The following NALF1 variants were observed in gnomAD, a reference collection of about 807,000 sequenced individuals.
NALF1 encodes family with sequence similarity 155 member A.
Under a neutral mutation model 48.4 loss-of-function variants are expected in NALF1, and 3 were observed. The ratio of observed to expected loss-of-function variants is 0.06; its 90% confidence interval spans 0.03 to 0.16. NALF1 has a LOEUF of 0.16. Ranked by LOEUF, NALF1 falls within the 10% of genes least tolerant of loss-of-function variation. NALF1 has a pLI of 1.00. For missense variants in NALF1, 526 were observed against 571.5 expected, an observed-to-expected ratio of 0.92 and a Z score of 0.81; for synonymous variants, 262 against 245.7, an observed-to-expected ratio of 1.07 and a Z score of -0.62.
At chr13:107,577,792 C>G (rs898101723) in intron 1 of NALF1, among the ~76,000 whole-genome samples, 1 of 152,148 alleles carries the variant, frequency 6.6e-6, no homozygotes, top group Non-Finnish European at 1.5e-5. Context: ...CTGCTTCATC[C>G]CGGATCTCTT....
chr13:107,174,355 A>ATT (rs1260135014), intron 2 of NALF1, among the ~76,000 whole-genome samples: 6 of 73,060 alleles, frequency 8.2e-5, no homozygotes, highest in South Asian at 4.2e-4. Flanking sequence ...TTATTTATTT[A>ATT]TTTATTTATT....
chr13:107,782,921 T>G (rs1363906852), intron 1 of NALF1, among the ~76,000 whole-genome samples: 9 of 127,168 alleles, frequency 7.1e-5, no homozygotes, highest in South Asian at 2.6e-4. Flanking sequence ...AGGAGGGAGG[T>G]GGGGGTCACC....
chr13:107,352,148 T>C (rs1882888595), intron 1 of NALF1, among the ~76,000 whole-genome samples: 1 of 152,176 alleles, frequency 6.6e-6, no homozygotes, highest in Admixed American at 6.5e-5. Context: ...AGAGGAACCC[T>C]GTGTGCAGTC....
chr13:107,838,550 T>C (rs1339550087), intron 1 of NALF1, among the ~76,000 whole-genome samples: 1 of 152,152 alleles, frequency 6.6e-6, no homozygotes, highest in Non-Finnish European at 1.5e-5. Flanking sequence ...AACAGGTAAC[T>C]GGCAGGAGGC....
chr13:107,655,650 G>GA (rs757604066), intron 1 of NALF1, among the ~76,000 whole-genome samples: 3 of 151,442 alleles, frequency 2.0e-5, no homozygotes, highest in Non-Finnish European at 2.9e-5. Context: ...CACAGAACTA[G>GA]AAAAAATAAT....
chr13:107,710,859 GTGTATA>G (rs1021458665), intron 1 of NALF1, among the ~76,000 whole-genome samples: 22 of 148,852 alleles, frequency 1.5e-4, no homozygotes, highest in African/African-American at 5.0e-4. Context: ...ACACAGATAT[GTGTATA>G]TGTATATATA....
intron 1 of NALF1, among the ~76,000 whole-genome samples, chr13:107,217,422 G>A (rs1484476025): frequency 1.3e-5 from 2 of 152,050 alleles, no homozygotes; most frequent in African/African-American, 2.4e-5. Context: ...GTATCCCTCC[G>A]GCTTCTGTTC....
rs554001112 is a variant in NALF1 at position 107,427,433 on chromosome 13, T to G, written c.916-216678A>C. On this transcript the variant is annotated intron_variant, in intron 1 of 2. Transcript: ENST00000375915. ...AATGATCTATTACAGTCATTTTGACTGTTTGGAAGAATTTTATTTTCATTT... is the reference window on the plus strand; with the variant it reads ...AATGATCTATTACAGTCATTTTGACGGTTTGGAAGAATTTTATTTTCATTT... Among the ~76,000 whole-genome samples, 148 of 147,422 alleles carry G rather than the reference T, an allele frequency of 1.0e-3. 1 individual carries two copies. Among genetic ancestry groups the G allele is most frequent in the Middle Eastern group, 3.8e-3 (1 of 260 alleles).
chr13:107,835,263 T>C (rs947682833), intron 1 of NALF1: 2 of 152,208 alleles, frequency 1.3e-5, no homozygotes, highest in Non-Finnish European at 2.9e-5. Flanking sequence ...TTTCCTTAGA[T>C]ACCAGAAGAT....
intron 1 of NALF1, among the ~76,000 whole-genome samples, chr13:107,683,501 C>T (rs1047875911): frequency 2.0e-5 from 3 of 152,160 alleles, no homozygotes; most frequent in Admixed American, 6.5e-5. Flanking sequence ...TGTAAAGATG[C>T]GCTTCCAAAC....
chr13:107,516,166 T>A (rs548745110), intron 1 of NALF1, among the ~76,000 whole-genome samples: 1 of 152,284 alleles, frequency 6.6e-6, no homozygotes, highest in South Asian at 2.1e-4. Flanking sequence ...ATGGCTGACA[T>A]CTGATCCACA....
At chr13:107,352,883 C>T (rs190536617) in intron 1 of NALF1, among the ~76,000 whole-genome samples, 2 of 152,202 alleles carry the variant, frequency 1.3e-5, no homozygotes, top group Non-Finnish European at 2.9e-5. Flanking sequence ...TGTCTTAAGA[C>T]TTCTTCCCTA....
At chr13:107,851,994 G>A (rs1182495240) in intron 1 of NALF1, among the ~76,000 whole-genome samples, 2 of 150,630 alleles carry the variant, frequency 1.3e-5, no homozygotes, top group Non-Finnish European at 3.0e-5. Flanking sequence ...AATTTGGGGG[G>A]TGTCATTATG....
At chr13:107,220,272 G>A (rs1159545475) in intron 1 of NALF1, among the ~76,000 whole-genome samples, 1 of 152,210 alleles carries the variant, frequency 6.6e-6, no homozygotes, top group Non-Finnish European at 1.5e-5. Context: ...CTGCTAGTGA[G>A]AAGCTGGGAA....
chr13:107,557,965 G>A (rs562384238), intron 1 of NALF1, among the ~76,000 whole-genome samples: 3 of 152,254 alleles, frequency 2.0e-5, no homozygotes, highest in Admixed American at 2.0e-4. Flanking sequence ...CTTGTGGGAT[G>A]TGTCACTGTT....
At chr13:107,183,393 C>T (rs189214952) in intron 2 of NALF1, among the ~76,000 whole-genome samples, 371 of 152,206 alleles carry the variant, frequency 2.4e-3, no homozygotes, top group Non-Finnish European at 4.1e-3. Context: ...ATACTGTTGG[C>T]GGGAATGTAA....
chr13:107,455,863 CTTTTT>C (rs34303743), intron 1 of NALF1, among the ~76,000 whole-genome samples: 2 of 146,058 alleles, frequency 1.4e-5, no homozygotes, highest in African/African-American at 5.0e-5. Context: ...CTCGATAACT[CTTTTT>C]TTTTTTTAAG....
intron 1 of NALF1, among the ~76,000 whole-genome samples, chr13:107,479,600 A>G (rs900613953): frequency 6.6e-6 from 1 of 151,956 alleles, no homozygotes; most frequent in African/African-American, 2.4e-5. Context: ...CTAAACAATT[A>G]AAGTACTAGA....
intron 1 of NALF1, among the ~76,000 whole-genome samples, chr13:107,818,579 A>G (rs1247176825): frequency 6.6e-6 from 1 of 151,998 alleles, no homozygotes. Flanking sequence ...TTGGTCTTAA[A>G]AATCCAGTTG....
Sources: allele counts gnomAD v4.1 joint callset (sites outside exome capture counted in the v4.1 genomes callset), GRCh38; gene constraint gnomAD v4.1.1; transcripts MANE v1.5; gene names NCBI Gene and HGNC (gene_info 2026-07-23, HGNC 2026-07-21).